KIF25: variants seen among roughly 807,000 people sequenced by gnomAD.
KIF25 encodes the protein kinesin family member 25, also known as kinesin-like protein KIF25.
Under a neutral mutation model 32.9 loss-of-function variants are expected in KIF25, and 19 were observed. The observed-to-expected ratio is 0.58, with a 90% CI of 0.40 to 0.85. The LOEUF is 0.85. Ranked by LOEUF, KIF25 falls within the 40% of genes least tolerant of loss-of-function variation. KIF25 has a pLI of 0.00. For synonymous variants in KIF25, 225 were observed against 213.7 expected (o/e 1.05, Z -0.46); for missense variants, 485 against 507.0 (o/e 0.96, Z 0.42).
chr6:168,031,097 C>G (rs1049157456), intron 7 of KIF25, among the ~76,000 whole-genome samples: 1 of 152,160 alleles, frequency 6.6e-6, no homozygotes, highest in African/African-American at 2.4e-5. Flanking sequence ...ATTCCAAACT[C>G]CACTTTAGTT....
intron 8 of KIF25, among the ~76,000 whole-genome samples, chr6:168,038,168 G>A (rs1257786038): frequency 2.0e-5 from 3 of 152,202 alleles, no homozygotes; most frequent in Non-Finnish European, 2.9e-5. Context: ...CTGGAGAAGT[G>A]CTAGAGTCCT....
intron 4 of KIF25, among the ~76,000 whole-genome samples, chr6:168,009,793 A>G (rs1255450115): frequency 6.6e-6 from 1 of 151,828 alleles, no homozygotes; most frequent in African/African-American, 2.4e-5. Context: ...TTTTTGTTCA[A>G]TCTTGGTAGA....
rs565037643 is a variant in KIF25, at chr6:168,027,190, C to T, written c.-94-2302C>T. ...AAAGGTGGCCGGGGGTGGTGGCTCA[C>T]GCCTGTAATCCTAGCACTTTGGGAG... On this transcript the variant is annotated intron_variant, in intron 5 of 12. Coordinates refer to ENST00000643607, the MANE Select transcript of KIF25 (RefSeq NM_030615.4). Among the ~76,000 whole-genome samples the T allele has an allele frequency of 3.4e-4, 51 of 152,176 alleles. 2 individuals carry two copies. In the South Asian group the frequency reaches 9.4e-3, roughly 28 times the overall value.
chr6:168,038,222 A>G (rs1799054179), intron 8 of KIF25, among the ~76,000 whole-genome samples: 2 of 152,214 alleles, frequency 1.3e-5, no homozygotes, highest in South Asian at 4.1e-4. Context: ...GTGATTGGTC[A>G]ATGGGGCATG....
intron 8 of KIF25, among the ~76,000 whole-genome samples, chr6:168,038,154 A>G (rs964909380): frequency 3.9e-5 from 6 of 152,200 alleles, no homozygotes; most frequent in African/African-American, 7.2e-5. Flanking sequence ...AACAAACCCC[A>G]TCACTGGAGA....
intron 7 of KIF25, 65 bp downstream of exon 7, chr6:168,030,912 T>A (rs1384790725): frequency 7.9e-7 from 1 of 1,258,826 alleles, no homozygotes; most frequent in Non-Finnish European, 1.1e-6. Flanking sequence ...AGCTTCACTG[T>A]GCTGTGGAGT....
intron 5 of KIF25, among the ~76,000 whole-genome samples, chr6:168,021,912 T>C (rs1353876487): frequency 6.6e-6 from 1 of 152,250 alleles, no homozygotes; most frequent in East Asian, 1.9e-4. Context: ...CTCTAGATGC[T>C]TTTAAGAGTT....
chr6:168,028,742 C>T (rs1293390717), intron 5 of KIF25, among the ~76,000 whole-genome samples: 1 of 152,172 alleles, frequency 6.6e-6, no homozygotes, highest in African/African-American at 2.4e-5. Context: ...TGACTTTTCA[C>T]TTGTTTGAGT....
At chr6:168,006,043 G>A (rs1798575505) in intron 4 of KIF25, among the ~76,000 whole-genome samples, 1 of 152,144 alleles carries the variant, frequency 6.6e-6, no homozygotes. Flanking sequence ...GGAGGAAGAG[G>A]GGAAGCTGGA....
intron 5 of KIF25, among the ~76,000 whole-genome samples, chr6:168,021,970 C>T (rs143662357): frequency 1.3e-5 from 2 of 152,358 alleles, no homozygotes; most frequent in African/African-American, 4.8e-5. Flanking sequence ...TGCACTGTTT[C>T]ACTCGGCAGT....
chr6:168,006,511 C>T (rs369376285), intron 4 of KIF25, among the ~76,000 whole-genome samples: 44 of 152,244 alleles, frequency 2.9e-4, no homozygotes, highest in African/African-American at 1.0e-3. Flanking sequence ...CTTGTGGCAC[C>T]GGGCGATTGC....
chr6:168,022,116 T>C (rs1171878228), intron 5 of KIF25, among the ~76,000 whole-genome samples: 1 of 152,226 alleles, frequency 6.6e-6, no homozygotes, highest in African/African-American at 2.4e-5. Context: ...CTTCTATCTA[T>C]ATCCTTTTAA....
chr6:168,038,668 G>C lies in KIF25; in HGVS notation c.433G>C (p.Val145Leu), dbSNP rs1216864331. Residue 145 changes from valine (V) to leucine (L), a missense_variant, in exon 9 of 13, where the codon GTC becomes CTC. Physicochemically the swap from Val to Leu is conservative, Grantham distance 32. Coordinates refer to ENST00000643607, the MANE Select transcript of KIF25 (RefSeq NM_030615.4). ...AKDSIAAVSG[V>L]KREVVTAKDG... ...AGACAGCATTGCAGCAGTGTCGGGG[G>C]TCAAGCGTGAGGTGGTGACAGCCAA... 6.2e-7 allele frequency: 1 copy of C among 1,614,220 alleles called. No individual in the cohort carries two copies. The highest frequency in any genetic ancestry group is 8.5e-7 in the Non-Finnish European group (1 of 1,180,044).
chr6:168,011,337 C>T (rs547285986), intron 4 of KIF25, among the ~76,000 whole-genome samples: 3 of 152,300 alleles, frequency 2.0e-5, no homozygotes, highest in South Asian at 2.1e-4. Context: ...TGTCTTTTCA[C>T]TTCCACATGT....
intron 12 of KIF25, among the ~76,000 whole-genome samples, chr6:168,043,333 T>A (rs1799159685): frequency 6.6e-6 from 1 of 151,858 alleles, no homozygotes; most frequent in African/African-American, 2.4e-5. Context: ...CCCCCAGAGG[T>A]GGCCCTGGGC....
intron 4 of KIF25, among the ~76,000 whole-genome samples, chr6:168,004,326 G>C (rs563470059): frequency 1.3e-5 from 2 of 152,176 alleles, no homozygotes; most frequent in Non-Finnish European, 2.9e-5. Flanking sequence ...CCCTCAACGC[G>C]GGATAGAAGC....
chr6:168,018,658 G>A (rs1798747751), intron 5 of KIF25, among the ~76,000 whole-genome samples: 1 of 152,192 alleles, frequency 6.6e-6, no homozygotes, highest in Admixed American at 6.5e-5. Flanking sequence ...GTATTCCCAG[G>A]GTGGTAGGAG....
intron 1 of KIF25, 34 bp downstream of exon 1, chr6:167,998,904 T>G (rs1798458794): frequency 6.6e-6 from 1 of 152,038 alleles, no homozygotes; most frequent in African/African-American, 2.4e-5. Flanking sequence ...ATACAAAAAT[T>G]AGCTGGGCGT....
rs1489893370 is a variant in KIF25, at chr6:168,030,761, T to C, written c.93-12T>C. 1 of 1,602,940 alleles carries C rather than the reference T, an allele frequency of 6.2e-7. No individual in the cohort carries two copies. Among genetic ancestry groups the C allele is most frequent in the Admixed American group, 1.7e-5 (1 of 57,768 alleles). ...GCTTCTATTAATACAGCATTTTCAC[T>C]TTGTCTCTCAGGGTTTATGGTCCAG... is the stretch of plus-strand genomic sequence containing the variant. On this transcript the variant is annotated splice_polypyrimidine_tract_variant and intron_variant, in intron 6 of 12. Coordinates refer to ENST00000643607, the MANE Select transcript of KIF25 (RefSeq NM_030615.4).
Sources: gnomAD v4.1 joint callset for allele counts (sites outside exome capture counted in the v4.1 genomes callset) on GRCh38, gnomAD v4.1.1 for gene constraint, MANE v1.5 for transcripts, NCBI Gene and HGNC (gene_info 2026-07-23, HGNC 2026-07-21) for gene names.